Variants in RBMS3 observed in about 807,000 individuals in gnomAD.
The protein encoded by RBMS3 is RNA binding motif single stranded interacting protein 3.
In RBMS3, 27 loss-of-function variants were observed where a neutral mutation model predicts 66.8. The observed-to-expected ratio is 0.40, with a 90% CI of 0.30 to 0.56. The LOEUF is 0.56. Among genes scored for constraint, RBMS3 ranks in the 20% least tolerant of loss-of-function variants. RBMS3 has a pLI of 0.40. For synonymous variants in RBMS3, 188 were observed against 183.0 expected, an observed-to-expected ratio of 1.03 and a Z score of -0.22; for missense variants, 513 against 549.5, an observed-to-expected ratio of 0.93 and a Z score of 0.66.
intron 1 of RBMS3, among the ~76,000 whole-genome samples, chr3:29,299,175 A>T (rs981246782): frequency 1.3e-5 from 2 of 151,904 alleles, no homozygotes; most frequent in Non-Finnish European, 2.9e-5. Context: ...TGCTTAAGTA[A>T]CAGCAGGAAG....
At chr3:29,497,209 C>T (rs988280533) in intron 3 of RBMS3, among the ~76,000 whole-genome samples, 4 of 152,034 alleles carry the variant, frequency 2.6e-5, no homozygotes, top group African/African-American at 9.7e-5. Context: ...CGGGGTTTCA[C>T]TGTATTAGCC....
chr3:29,899,605 T>G, intron 9 of RBMS3, 100 bp from the exon 10 acceptor site: 4 of 965,128 alleles, frequency 4.1e-6, no homozygotes, highest in Non-Finnish European at 6.2e-6. Flanking sequence ...TAAAGTCAGG[T>G]GGACTCCACT....
intron 1 of RBMS3, among the ~76,000 whole-genome samples, chr3:29,283,693 T>C (rs906616307): frequency 2.6e-5 from 4 of 152,164 alleles, no homozygotes; most frequent in African/African-American, 9.7e-5. Flanking sequence ...TATGTTGATA[T>C]TTGGATAATC....
chr3:29,759,950 C>T (rs567315748), intron 5 of RBMS3, among the ~76,000 whole-genome samples: 1 of 152,178 alleles, frequency 6.6e-6, no homozygotes, highest in African/African-American at 2.4e-5. Flanking sequence ...ACTTTTATTG[C>T]ATTTATTCTT....
intron 6 of RBMS3, among the ~76,000 whole-genome samples, chr3:29,854,514 CA>C: frequency 6.6e-6 from 1 of 152,174 alleles, no homozygotes; most frequent in Non-Finnish European, 1.5e-5. Context: ...CTAAAGGTCT[CA>C]GGATATGTCC....
At chr3:29,769,735 A>G (rs2056114672) in intron 6 of RBMS3, among the ~76,000 whole-genome samples, 1 of 151,786 alleles carries the variant, frequency 6.6e-6, no homozygotes, top group Non-Finnish European at 1.5e-5. Flanking sequence ...TTGGAGTTGT[A>G]TAGTTTCATG....
chr3:29,421,657 TA>T (rs894532882), intron 1 of RBMS3, among the ~76,000 whole-genome samples: 3 of 152,304 alleles, frequency 2.0e-5, no homozygotes, highest in African/African-American at 7.2e-5. Context: ...ATATTTGTCT[TA>T]AAAAATTCTT....
chr3:29,579,256 C>G (rs369496960), intron 3 of RBMS3, among the ~76,000 whole-genome samples: 1 of 152,094 alleles, frequency 6.6e-6, no homozygotes, highest in Admixed American at 6.5e-5. Context: ...AAGGATGCTT[C>G]GGTTGTGGGG....
intron 3 of RBMS3, among the ~76,000 whole-genome samples, chr3:29,534,031 G>C (rs1029877906): frequency 1.3e-5 from 2 of 152,196 alleles, no homozygotes; most frequent in African/African-American, 2.4e-5. Flanking sequence ...ATTAAACACT[G>C]TGACTCAAAT....
chr3:29,517,578 C>T (rs868570646), intron 3 of RBMS3, among the ~76,000 whole-genome samples: 32 of 152,038 alleles, frequency 2.1e-4, no homozygotes, highest in Non-Finnish European at 3.5e-4. Flanking sequence ...CTTCCTCGGC[C>T]TCCCGAAGTG....
At chr3:29,743,189 A>G (rs2054717788) in intron 5 of RBMS3, among the ~76,000 whole-genome samples, 1 of 152,202 alleles carries the variant, frequency 6.6e-6, no homozygotes, top group African/African-American at 2.4e-5. Context: ...CATTTTCTCA[A>G]GCAATTATGG....
intron 6 of RBMS3, among the ~76,000 whole-genome samples, chr3:29,778,748 C>T (rs2056514626): frequency 6.6e-6 from 1 of 151,814 alleles, no homozygotes; most frequent in South Asian, 2.1e-4. Context: ...TAACTATAGT[C>T]TCTTCTGTAC....
At chr3:29,565,574 G>T (rs537895751) in intron 3 of RBMS3, among the ~76,000 whole-genome samples, 2 of 152,032 alleles carry the variant, frequency 1.3e-5, no homozygotes, top group Non-Finnish European at 2.9e-5. Context: ...AATAAACTAG[G>T]CAAGCAACCA....
chr3:29,833,070 A>C (rs1338091081), intron 6 of RBMS3, among the ~76,000 whole-genome samples: 1 of 152,142 alleles, frequency 6.6e-6, no homozygotes, highest in African/African-American at 2.4e-5. Context: ...ATACAGTCTT[A>C]AGAATTCCTC....
intron 1 of RBMS3, among the ~76,000 whole-genome samples, chr3:29,431,707 T>C (rs1382312517): frequency 1.3e-5 from 2 of 152,096 alleles, no homozygotes; most frequent in Non-Finnish European, 2.9e-5. Flanking sequence ...CGTTGCACAA[T>C]TTTCTTTCTT....
chr3:29,308,731 G>A (rs2034173037), intron 1 of RBMS3, among the ~76,000 whole-genome samples: 1 of 109,384 alleles, frequency 9.1e-6, no homozygotes, highest in African/African-American at 3.4e-5. Context: ...ATATAGCATA[G>A]TGATTAAAAA....
intron 1 of RBMS3, among the ~76,000 whole-genome samples, chr3:29,374,765 T>A (rs2038381390): frequency 6.6e-6 from 1 of 152,222 alleles, no homozygotes; most frequent in South Asian, 2.1e-4. Context: ...TGTATTTGAA[T>A]AAATTACAGT....
intron 1 of RBMS3, among the ~76,000 whole-genome samples, chr3:29,342,371 T>G (rs1228876538): frequency 6.6e-6 from 1 of 152,194 alleles, no homozygotes; most frequent in Admixed American, 6.6e-5. Context: ...TTAGTTTGAT[T>G]ATATTTTTAG....
intron 6 of RBMS3, among the ~76,000 whole-genome samples, chr3:29,800,302 A>T (rs2057349139): frequency 6.6e-6 from 1 of 151,838 alleles, no homozygotes; most frequent in Admixed American, 6.6e-5. Flanking sequence ...GAGAGGAGGG[A>T]AGGGGTGGAG....
Sources: allele counts gnomAD v4.1 joint callset (sites outside exome capture counted in the v4.1 genomes callset), GRCh38; gene constraint gnomAD v4.1.1; transcripts MANE v1.5; gene names NCBI Gene and HGNC (gene_info 2026-07-23, HGNC 2026-07-21).